The following HTT-AS variants were observed in gnomAD, a reference collection of about 807,000 sequenced individuals.
The protein encoded by HTT-AS is HTT antisense RNA (head to head).
chr4:3,073,737 C>T (rs1454700625), intron 1 of HTT-AS, among the ~76,000 whole-genome samples: 3 of 152,214 alleles, frequency 2.0e-5, no homozygotes, highest in Non-Finnish European at 4.4e-5. Context: ...GGGTGGGGGT[C>T]ACACTTGGGG....
chr4:3,058,715 C>T (rs1293048483), intron 2 of HTT-AS, among the ~76,000 whole-genome samples: 2 of 138,536 alleles, frequency 1.4e-5, no homozygotes, highest in African/African-American at 5.1e-5. Flanking sequence ...CATCATTTTA[C>T]ATTTCTTTTT....
At chr4:3,050,471 T>C (rs1307791533) in intron 2 of HTT-AS, among the ~76,000 whole-genome samples, 3 of 152,220 alleles carry the variant, frequency 2.0e-5, no homozygotes, top group Non-Finnish European at 4.4e-5. Flanking sequence ...TCTAAAGTTA[T>C]TAGAAACCTG....
intron 2 of HTT-AS, among the ~76,000 whole-genome samples, chr4:3,052,406 G>A (rs1560528632): frequency 6.6e-6 from 1 of 152,174 alleles, no homozygotes; most frequent in Non-Finnish European, 1.5e-5. Flanking sequence ...CTAACAGCCT[G>A]GGACTCCTTG....
At chr4:3,058,759 A>C in intron 2 of HTT-AS, among the ~76,000 whole-genome samples, 1 of 150,176 alleles carries the variant, frequency 6.7e-6, no homozygotes, top group Non-Finnish European at 1.5e-5. Flanking sequence ...TTGCTCTGTC[A>C]CCCAGGCTGG....
intron 2 of HTT-AS, among the ~76,000 whole-genome samples, chr4:3,061,884 A>G (rs1327029467): frequency 1.4e-5 from 2 of 147,120 alleles, no homozygotes; most frequent in East Asian, 4.4e-4. Flanking sequence ...CGGCAGGCTG[A>G]GGCAGGAGAA....
intron 1 of HTT-AS, among the ~76,000 whole-genome samples, chr4:3,066,909 C>G (rs918576537): frequency 1.3e-5 from 2 of 152,086 alleles, no homozygotes; most frequent in African/African-American, 4.8e-5. Context: ...CCCTCAGAGG[C>G]CTAGAATCTA....
At chr4:3,047,235 C>T (rs1258111295), downstream of HTT-AS, among the ~76,000 whole-genome samples, 7 of 152,128 alleles carry the variant, frequency 4.6e-5, no homozygotes, top group Middle Eastern at 3.4e-3. Context: ...GGCATGAACC[C>T]GGGAGGCGGA....
chr4:3,060,450 A>G (rs1711903600), intron 2 of HTT-AS, among the ~76,000 whole-genome samples: 1 of 152,198 alleles, frequency 6.6e-6, no homozygotes, highest in Admixed American at 6.5e-5. Flanking sequence ...AATTTGAGAA[A>G]GGTCTCATTT....
intron 2 of HTT-AS, among the ~76,000 whole-genome samples, chr4:3,059,917 G>GTTTTTTTTTTTTTTTTTTT (rs34372712): frequency 7.3e-6 from 1 of 136,240 alleles, no homozygotes; most frequent in African/African-American, 2.8e-5. Context: ...TTGTCCCTGT[G>GTTTTTTTTTTTTTTTTTTT]TTTTTTGTTT....
Position 3,074,483 on chromosome 4 carries a change from G to C in HTT-AS, n.56C>G, listed in dbSNP as rs1053647343. ...TCCGTTGAGCCCCGCGCCTTCGCCC[G>C]GGTGGGGCGCTGCGCTGTCAGCGGC... On this transcript the variant is annotated non_coding_transcript_exon_variant, in exon 1 of 3. Coordinates refer to ENST00000664062, the Ensembl canonical transcript of HTT-AS. 1.7e-5 allele frequency: 4 copies of C among 236,236 alleles called. No individual in the cohort carries two copies. The Admixed American group carries it at 1.8e-4, about 10-fold the overall frequency. 14.6% of individuals were successfully genotyped at this position (236,236 alleles called of 1,614,324 possible).
At chr4:3,069,459 A>G (rs1712122086) in intron 1 of HTT-AS, among the ~76,000 whole-genome samples, 1 of 152,052 alleles carries the variant, frequency 6.6e-6, no homozygotes, top group Non-Finnish European at 1.5e-5. Context: ...CCCGGCCAAC[A>G]GTGATCACTT....
chr4:3,050,164 A>T (rs1421266849), intron 2 of HTT-AS, among the ~76,000 whole-genome samples: 3 of 152,234 alleles, frequency 2.0e-5, no homozygotes, highest in Non-Finnish European at 2.9e-5. Context: ...GTTCTCCGTG[A>T]GTCCATACTT....
At chr4:3,049,940 ACACAC>A (rs1358841798) in intron 2 of HTT-AS, among the ~76,000 whole-genome samples, 5 of 148,164 alleles carry the variant, frequency 3.4e-5, no homozygotes, top group African/African-American at 1.3e-4. Flanking sequence ...ACACACACAC[ACACAC>A]ACATATACAC....
intron 2 of HTT-AS, among the ~76,000 whole-genome samples, chr4:3,056,165 C>G (rs1711801471): frequency 6.6e-6 from 1 of 152,202 alleles, no homozygotes; most frequent in Non-Finnish European, 1.5e-5. Context: ...TACTTTGGAT[C>G]CCACTTCTGA....
intron 2 of HTT-AS, among the ~76,000 whole-genome samples, chr4:3,050,751 C>T (rs1449339443): frequency 1.3e-5 from 2 of 152,166 alleles, no homozygotes; most frequent in African/African-American, 4.8e-5. Flanking sequence ...ATATTAATAT[C>T]ATTCACTAAA....
At position 3,069,313 on chromosome 4, in the gene HTT-AS, T is replaced by TAA. The variant is rs1491178433; in HGVS notation, n.113+5112_113+5113insTT. 2.8e-3 allele frequency among the ~76,000 whole-genome samples: 250 copies of TAA among 89,748 alleles called. 2 individuals carry two copies. Among genetic ancestry groups the TAA allele is most frequent in the Admixed American group, 4.5e-3 (45 of 9,946 alleles). 58.9% of individuals were successfully genotyped at this position (89,748 alleles called of 152,430 possible). A position where few individuals can be genotyped will look rare whatever the true frequency, so the allele number is the denominator to read the frequency against. ...GGCACCTGCCACCACACCTGGCTAA[T>TAA]TTTTTTTTTTTTTTAAATATTTAGT... is the stretch of plus-strand genomic sequence containing the variant. On this transcript the variant is annotated intron_variant and non_coding_transcript_variant, in intron 1 of 2. Transcript: ENST00000664062.
At chr4:3,069,986 G>C (rs1468160310) in intron 1 of HTT-AS, 2 of 152,236 alleles carry the variant, frequency 1.3e-5, no homozygotes, top group Non-Finnish European at 2.9e-5. Context: ...ACCTGGTCTC[G>C]GGTCGGGGCT....
chr4:3,059,267 G>A lies in HTT-AS; in HGVS notation n.1380+3167C>T, dbSNP rs114852080. 1.1e-3 allele frequency among the ~76,000 whole-genome samples: 173 copies of A among 152,274 alleles called. 1 individual carries two copies. The highest frequency in any genetic ancestry group is 4.0e-3 in the African/African-American group (168 of 41,566). On this transcript the variant is annotated intron_variant and non_coding_transcript_variant, in intron 2 of 2. Coordinates refer to ENST00000664062, the Ensembl canonical transcript of HTT-AS. ...AAGGCGAATTCATCTGGCTGTTAACGTGCCTCACTTCTGCTTTCTGTGGCC... is the reference window on the plus strand; with the variant it reads ...AAGGCGAATTCATCTGGCTGTTAACATGCCTCACTTCTGCTTTCTGTGGCC...
At chr4:3,066,155 A>G (rs1712052632) in intron 1 of HTT-AS, among the ~76,000 whole-genome samples, 1 of 152,188 alleles carries the variant, frequency 6.6e-6, no homozygotes, top group Non-Finnish European at 1.5e-5. Flanking sequence ...TGGACAAGGT[A>G]TCTGGAAGGC....
Sources: allele counts gnomAD v4.1 joint callset (sites outside exome capture counted in the v4.1 genomes callset), GRCh38; gene constraint gnomAD v4.1.1; transcripts MANE v1.5; gene names NCBI Gene and HGNC (gene_info 2026-07-23, HGNC 2026-07-21).